ZFPM1: variants seen among roughly 807,000 people sequenced by gnomAD.
ZFPM1 encodes the protein zinc finger protein, FOG family member 1.
Under a neutral mutation model 46.3 loss-of-function variants are expected in ZFPM1, and 28 were observed. That is an observed-to-expected ratio of 0.60 (90% CI 0.45 to 0.83). ZFPM1 has a LOEUF of 0.83. ZFPM1 is among the 40% of genes least tolerant of loss of function. The pLI, the probability that ZFPM1 is intolerant of heterozygous loss-of-function variation, is 0.00. For synonymous variants in ZFPM1, 957 were observed against 675.9 expected (o/e 1.42, Z -6.45); for missense variants, 1,878 against 1,432.4 (o/e 1.31, Z -5.02).
At chr16:88,459,430 G>C (rs181015049) in intron 1 of ZFPM1, among the ~76,000 whole-genome samples, 35 of 152,304 alleles carry the variant, frequency 2.3e-4, no homozygotes, top group African/African-American at 7.5e-4. Flanking sequence ...CAAAGTGAGC[G>C]TAATGATAGT....
chr16:88,462,209 GC>G (rs1325561901), intron 1 of ZFPM1, among the ~76,000 whole-genome samples: 1 of 152,224 alleles, frequency 6.6e-6, no homozygotes, highest in Non-Finnish European at 1.5e-5. Flanking sequence ...GGTCTTGGGA[GC>G]CTCAGCTTCC....
At chr16:88,492,543 T>C (rs1341679125) in intron 3 of ZFPM1, among the ~76,000 whole-genome samples, 1 of 152,202 alleles carries the variant, frequency 6.6e-6, no homozygotes, top group Non-Finnish European at 1.5e-5. Flanking sequence ...CCGGTCACGC[T>C]GCAGAGCCCA....
At chr16:88,466,434 G>T (rs1047026983) in intron 1 of ZFPM1, among the ~76,000 whole-genome samples, 4 of 152,340 alleles carry the variant, frequency 2.6e-5, no homozygotes, top group African/African-American at 9.6e-5. Flanking sequence ...GTCTAGCCGA[G>T]GTCAGAGTCT....
upstream of ZFPM1, among the ~76,000 whole-genome samples, chr16:88,452,001 T>C (rs987939848): frequency 1.3e-5 from 2 of 152,122 alleles, no homozygotes; most frequent in Non-Finnish European, 2.9e-5. Flanking sequence ...TGGCACGAGA[T>C]GGGGTCTTAG....
At chr16:88,487,901 T>G (rs1346164411) in intron 2 of ZFPM1, among the ~76,000 whole-genome samples, 2 of 152,172 alleles carry the variant, frequency 1.3e-5, no homozygotes, top group East Asian at 3.9e-4. Flanking sequence ...GCCCAGCCTC[T>G]GGTGAGGCCT....
chr16:88,529,960 G>A (rs1467774552), intron 6 of ZFPM1, among the ~76,000 whole-genome samples: 1 of 152,168 alleles, frequency 6.6e-6, no homozygotes, highest in Non-Finnish European at 1.5e-5. Flanking sequence ...CCAGGTTGGG[G>A]GCAGGGGCTG....
At chr16:88,498,179 G>C (rs11865190) in intron 3 of ZFPM1, among the ~76,000 whole-genome samples, 2,442 of 151,608 alleles carry the variant, frequency 0.016, 69 homozygotes, top group African/African-American at 0.057. Flanking sequence ...GGGGAACACG[G>C]ACCCACCTGG....
At chr16:88,524,627 T>C (rs1180446599) in intron 4 of ZFPM1, among the ~76,000 whole-genome samples, 5 of 152,208 alleles carry the variant, frequency 3.3e-5, no homozygotes, top group Admixed American at 3.3e-4. Flanking sequence ...GGGCTGGAGC[T>C]AATATGCATC....
chr16:88,529,848 G>A, intron 6 of ZFPM1, among the ~76,000 whole-genome samples: 1 of 152,228 alleles, frequency 6.6e-6, no homozygotes, highest in East Asian at 1.9e-4. Context: ...GGATGGGCTT[G>A]TGTGCCTGGT....
chr16:88,525,359 T>A (rs1354541415), intron 4 of ZFPM1, among the ~76,000 whole-genome samples: 4 of 152,184 alleles, frequency 2.6e-5, no homozygotes, highest in Non-Finnish European at 5.9e-5. Flanking sequence ...CGACCCCTTG[T>A]ACCATGGCAG....
intron 1 of ZFPM1, among the ~76,000 whole-genome samples, chr16:88,468,222 C>T (rs1476842411): frequency 1.3e-5 from 2 of 149,728 alleles, no homozygotes; most frequent in African/African-American, 2.5e-5. Context: ...GAGCCCACCG[C>T]CCCTCAAGCA....
intron 3 of ZFPM1, among the ~76,000 whole-genome samples, chr16:88,507,280 C>T (rs191005155): frequency 5.6e-4 from 85 of 152,288 alleles, no homozygotes; most frequent in African/African-American, 2.0e-3. Context: ...CATCATCCCC[C>T]GAGCTCTTGG....
rs901702502 is a variant in ZFPM1, at chr16:88,533,964, C to T, written c.2006C>T (p.Pro669Leu). 7.6e-6 allele frequency: 10 copies of T among 1,307,344 alleles called. No individual in the cohort carries two copies. The highest frequency in any genetic ancestry group is 3.9e-5 in the South Asian group (3 of 77,396). The allele number at this position is 1,307,344 out of a possible 1,614,324, so 81.0% of individuals were successfully genotyped here. Residue 669 changes from proline (P) to leucine (L), a missense_variant, in exon 10 of 10, where the codon CCG (proline) becomes CTG (leucine). Transcript: ENST00000319555. ...GGRGSEGSQS[P>L]GSSVDDAEDD... The stretch of plus-strand genomic sequence containing the variant: ...CGGGGCAGCGAGGGCAGCCAGAGCC[C>T]GGGTAGCTCCGTGGACGACGCGGAG...
At position 88,533,873 on chromosome 16, in the gene ZFPM1, C is replaced by T; in HGVS notation, c.1915C>T (p.Pro639Ser). ...CGAACCCGACGCGCCGCGCTCGTCC[C>T]CGGGCCCCGGAGCGCGCGAGGAGGG... The part of the protein sequence containing the change: ...PAEPDAPRSS[P>S]GPGAREEGAG... Residue 639 changes from proline to serine, a missense_variant, in exon 10 of 10, where the codon CCG (proline) becomes TCG (serine). Physicochemically the swap from Pro to Ser is moderately conservative, Grantham distance 74. Transcript: ENST00000319555. The T allele has an allele frequency of 1.0e-6, 1 of 991,914 alleles. No homozygotes were observed. Among genetic ancestry groups the T allele is most frequent in the Non-Finnish European group, 1.2e-6 (1 of 836,370 alleles). The allele number at this position is 991,914 out of a possible 1,614,324, so 61.4% of individuals were successfully genotyped here.
chr16:88,512,326 G>A (rs753022939), intron 3 of ZFPM1, among the ~76,000 whole-genome samples: 5 of 152,132 alleles, frequency 3.3e-5, no homozygotes, highest in African/African-American at 9.7e-5. Context: ...AGGTGTGGAC[G>A]CTGCAGGCCC....
intron 3 of ZFPM1, among the ~76,000 whole-genome samples, chr16:88,495,823 G>A (rs1033536025): frequency 1.3e-5 from 2 of 152,188 alleles, no homozygotes; most frequent in Non-Finnish European, 2.9e-5. Flanking sequence ...GCGTCTCGGG[G>A]CCTAGAGCTT....
intron 6 of ZFPM1, chr16:88,530,820 T>G (rs939314348): frequency 5.2e-5 from 8 of 152,450 alleles, no homozygotes; most frequent in African/African-American, 1.7e-4. Context: ...CAGAGCTGCC[T>G]GCAGCCCCCA....
chr16:88,486,134 A>G, intron 2 of ZFPM1, 91 bp downstream of exon 2: 1 of 1,310,344 alleles, frequency 7.6e-7, no homozygotes, highest in Non-Finnish European at 1.1e-6. Context: ...GGTGTCTGAG[A>G]GGTGTGGGCC....
At chr16:88,491,288 C>T (rs926448274) in intron 3 of ZFPM1, among the ~76,000 whole-genome samples, 5 of 152,182 alleles carry the variant, frequency 3.3e-5, no homozygotes, top group Non-Finnish European at 4.4e-5. Context: ...CCCTCGGGCC[C>T]GCAGAGCTCC....
Sources: gnomAD v4.1 joint callset for allele counts (sites outside exome capture counted in the v4.1 genomes callset) on GRCh38, gnomAD v4.1.1 for gene constraint, MANE v1.5 for transcripts, NCBI Gene and HGNC (gene_info 2026-07-23, HGNC 2026-07-21) for gene names.